The following GUCY1A2 variants were observed in gnomAD, a reference collection of about 807,000 sequenced individuals.
GUCY1A2 encodes the protein guanylate cyclase soluble subunit alpha-2.
GUCY1A2 carries 27 observed loss-of-function variants against 63.5 expected under a neutral mutation model. The ratio of observed to expected loss-of-function variants is 0.43; its 90% CI spans 0.31 to 0.59. The LOEUF (loss-of-function observed/expected upper bound fraction) is 0.59, where lower values mean the gene tolerates loss of function less well. Ranked by LOEUF, GUCY1A2 falls within the 20% of genes least tolerant of loss-of-function variation. GUCY1A2 has a pLI of 0.11. For synonymous variants in GUCY1A2, 364 were observed against 343.5 expected (o/e 1.06, Z -0.66); for missense variants, 768 against 913.3 (o/e 0.84, Z 2.05).
At chr11:106,983,137 G>A (rs1181036598) in intron 2 of GUCY1A2, among the ~76,000 whole-genome samples, 1 of 152,094 alleles carries the variant, frequency 6.6e-6, no homozygotes, top group Non-Finnish European at 1.5e-5. Flanking sequence ...GCTTTGCTGT[G>A]GTGAAAATAC....
intron 1 of GUCY1A2, among the ~76,000 whole-genome samples, chr11:107,006,162 C>T (rs1312157767): frequency 6.6e-6 from 1 of 152,130 alleles, no homozygotes; most frequent in Non-Finnish European, 1.5e-5. Context: ...TGCCAGACTG[C>T]AAATCTCCTC....
chr11:106,951,752 T>C (rs918361196), intron 3 of GUCY1A2, among the ~76,000 whole-genome samples: 39 of 152,344 alleles, frequency 2.6e-4, no homozygotes, highest in African/African-American at 9.4e-4. Flanking sequence ...TAGACCCCAC[T>C]TGTCAATTTT....
chr11:106,947,211 C>T (rs1306091160), intron 3 of GUCY1A2, among the ~76,000 whole-genome samples: 1 of 140,278 alleles, frequency 7.1e-6, no homozygotes, highest in Non-Finnish European at 1.5e-5. Context: ...AGCAAGACTC[C>T]ATCTCACAAA....
At chr11:106,803,850 C>T (rs980905822) in intron 5 of GUCY1A2, among the ~76,000 whole-genome samples, 1 of 152,164 alleles carries the variant, frequency 6.6e-6, no homozygotes, top group Non-Finnish European at 1.5e-5. Context: ...ATATCTTACC[C>T]TTGCCTCTTC....
intron 6 of GUCY1A2, among the ~76,000 whole-genome samples, chr11:106,765,916 C>A (rs963814556): frequency 4.6e-5 from 7 of 152,166 alleles, no homozygotes; most frequent in Non-Finnish European, 8.8e-5. Flanking sequence ...AAAATAATTT[C>A]TTAAAATGGA....
intron 6 of GUCY1A2, among the ~76,000 whole-genome samples, chr11:106,766,368 T>A (rs1176028964): frequency 1.3e-5 from 2 of 152,138 alleles, no homozygotes; most frequent in Non-Finnish European, 2.9e-5. Flanking sequence ...GAATGAAGCT[T>A]ATTCAGTTTT....
At chr11:106,871,263 A>G (rs79497732) in intron 4 of GUCY1A2, among the ~76,000 whole-genome samples, 1,975 of 152,244 alleles carry the variant, frequency 0.013, 41 homozygotes, top group African/African-American at 0.045. Context: ...TCTAATTTCA[A>G]AAAAGGGGTA....
chr11:106,862,884 T>C (rs1474474401), intron 4 of GUCY1A2, among the ~76,000 whole-genome samples: 2 of 152,060 alleles, frequency 1.3e-5, no homozygotes, highest in Non-Finnish European at 2.9e-5. Flanking sequence ...CTTCTCTCTT[T>C]CATTGAGATA....
Position 106,686,292 on chromosome 11 carries a change from T to C in GUCY1A2, c.*1257A>G, listed in dbSNP as rs1295588344. 9.1e-6 allele frequency: 2 copies of C among 218,860 alleles called. No homozygotes were observed. Among genetic ancestry groups the C allele is most frequent in the African/African-American group, 2.2e-5 (1 of 44,552 alleles). The allele number at this position is 218,860 out of a possible 1,614,324, so 13.6% of individuals were successfully genotyped here. ...TGCGATGGAATCCTATCTGTAACTA[T>C]AATGATTACTAGTTCTGAAGATTAT... On this transcript the variant is annotated 3_prime_UTR_variant, in exon 8 of 8. Coordinates refer to ENST00000526355, the MANE Select transcript of GUCY1A2 (RefSeq NM_000855.3).
chr11:106,891,372 A>G (rs1859971897), intron 4 of GUCY1A2, among the ~76,000 whole-genome samples: 1 of 152,116 alleles, frequency 6.6e-6, no homozygotes, highest in Non-Finnish European at 1.5e-5. Flanking sequence ...TATTTATTGC[A>G]AATATTTGCT....
At chr11:106,939,274 G>C (rs1454332142) in intron 4 of GUCY1A2, among the ~76,000 whole-genome samples, 186 bp downstream of exon 4, 1 of 152,164 alleles carries the variant, frequency 6.6e-6, no homozygotes, top group Non-Finnish European at 1.5e-5. Context: ...GGAGGAGGCA[G>C]ACACTATGCA....
intron 3 of GUCY1A2, among the ~76,000 whole-genome samples, chr11:106,962,565 A>AC (rs936032302): frequency 4.0e-5 from 6 of 151,568 alleles, no homozygotes; most frequent in African/African-American, 1.5e-4. Context: ...AAAAAAAAAA[A>AC]AAAACTAGAA....
intron 4 of GUCY1A2, among the ~76,000 whole-genome samples, chr11:106,917,869 A>G (rs1445297843): frequency 7.1e-6 from 1 of 140,194 alleles, no homozygotes; most frequent in African/African-American, 2.5e-5. Flanking sequence ...GGTGTAGCGC[A>G]CCAACAAGGC....
chr11:106,987,247 A>G (rs1303597828), intron 1 of GUCY1A2, among the ~76,000 whole-genome samples: 4 of 152,228 alleles, frequency 2.6e-5, no homozygotes, highest in Admixed American at 2.0e-4. Flanking sequence ...TAAAAAGGCA[A>G]TCTGCAGAAA....
At chr11:106,797,400 G>A (rs1017043520) in intron 5 of GUCY1A2, among the ~76,000 whole-genome samples, 29 of 152,122 alleles carry the variant, frequency 1.9e-4, no homozygotes, top group African/African-American at 6.5e-4. Context: ...AGGATATCCA[G>A]GAATTGAACT....
intron 6 of GUCY1A2, among the ~76,000 whole-genome samples, chr11:106,751,768 T>C (rs1436876715): frequency 6.6e-6 from 1 of 152,212 alleles, no homozygotes; most frequent in African/African-American, 2.4e-5. Context: ...GTTTATTTAG[T>C]ACCTTGTATT....
At chr11:106,935,847 T>C (rs894713427) in intron 4 of GUCY1A2, among the ~76,000 whole-genome samples, 7 of 143,474 alleles carry the variant, frequency 4.9e-5, no homozygotes, top group African/African-American at 1.6e-4. Context: ...AGACTCCATC[T>C]CCAAAAAAAA....
rs139191538 is a variant in GUCY1A2, at chr11:106,742,687, C to A, written c.1836+33752G>T. ...TCTTTATAACAGAATTATTTATATTCCTTTGGGTACATATCCAGTAATGGG... is the reference window on the plus strand; with the variant it reads ...TCTTTATAACAGAATTATTTATATTACTTTGGGTACATATCCAGTAATGGG... On this transcript the variant is annotated intron_variant, in intron 6 of 7. Coordinates refer to ENST00000526355, the MANE Select transcript of GUCY1A2 (RefSeq NM_000855.3). Among the ~76,000 whole-genome samples, 8 of 152,038 alleles carry A rather than the reference C, an allele frequency of 5.3e-5. No individual in the cohort carries two copies. In the East Asian group the frequency reaches 5.8e-4, roughly 11 times the overall value.
At position 107,017,957 on chromosome 11, in the gene GUCY1A2, C is replaced by A; in HGVS notation, c.99G>T (p.Arg33Ser). The A allele has an allele frequency of 7.0e-7, 1 of 1,426,022 alleles. No homozygotes were observed. The highest frequency in any genetic ancestry group is 2.2e-5 in the Admixed American group (1 of 45,430). The allele number at this position is 1,426,022 out of a possible 1,614,324, so 88.3% of individuals were successfully genotyped here. The change falls in exon 1 of 8, where the codon AGG becomes AGT. Residue 33 changes from arginine to serine, a missense_variant. Around this residue, in one of 3 missense-constraint regions of GUCY1A2, gnomAD observed 496 missense variants for 486.9 expected, o/e 1.02. Transcript: ENST00000526355. Reference sequence around the variant, plus strand: ...GGCTCCGGCTGCCATTCCAGCAGAGCCTAGACAGGGGGCACTCCCCCTCCT... The same window carrying A: ...GGCTCCGGCTGCCATTCCAGCAGAGACTAGACAGGGGGCACTCCCCCTCCT... ...PEEEGECPLS[R>S]LCWNGSRSPP...
Sources: allele counts gnomAD v4.1 joint callset (sites outside exome capture counted in the v4.1 genomes callset), GRCh38; gene constraint gnomAD v4.1.1; regional missense constraint gnomAD v4.1.1; transcripts MANE v1.5; gene names NCBI Gene and HGNC (gene_info 2026-07-23, HGNC 2026-07-21).